Variants in ISLR2 observed in about 807,000 individuals in gnomAD.
The protein encoded by ISLR2 is immunoglobulin superfamily containing leucine rich repeat 2.
In ISLR2, 16 loss-of-function variants were observed where a neutral mutation model predicts 25.5. The observed-to-expected ratio is 0.63, with a 90% confidence interval of 0.43 to 0.95. The LOEUF (loss-of-function observed/expected upper bound fraction) is 0.95. Among genes scored for constraint, ISLR2 ranks in the 40% least tolerant of loss-of-function variants. The pLI is 0.00. For missense variants in ISLR2, 883 were observed against 1,030.7 expected (o/e 0.86, Z 1.96); for synonymous variants, 508 against 486.6 (o/e 1.04, Z -0.58).
At chr15:74,102,086 G>A (rs2072084839) in intron 1 of ISLR2, among the ~76,000 whole-genome samples, 1 of 149,530 alleles carries the variant, frequency 6.7e-6, no homozygotes, top group South Asian at 2.1e-4. Flanking sequence ...TGGGCATGGT[G>A]CTGGGTGCCT....
rs972651124 is a variant in ISLR2, at chr15:74,132,906, C to A, written c.152C>A (p.Ala51Asp). 3 of 1,614,104 alleles carry A rather than the reference C, an allele frequency of 1.9e-6. No individual in the cohort carries two copies. The highest frequency in any genetic ancestry group is 1.6e-4 in the Middle Eastern group (1 of 6,062). Residue 51 changes from alanine (A) to aspartate (D), a missense_variant, in exon 3 of 3, where the codon GCC (alanine) becomes GAC (aspartate). By Grantham distance (126) the Ala-to-Asp change is moderately radical. Coordinates refer to ENST00000453268, the MANE Select transcript of ISLR2 (RefSeq NM_020851.3). The surrounding 1 kb of genome is among the most constrained non-coding windows in gnomAD (Gnocchi z 4.3). Reference sequence around the variant, plus strand: ...CGTGAGGTGCCGGAAGGACTGCCTGCCAACGTGACGACGCTTAGTCTGTCC... The same window carrying A: ...CGTGAGGTGCCGGAAGGACTGCCTGACAACGTGACGACGCTTAGTCTGTCC... ...ELREVPEGLP[A>D]NVTTLSLSAN...
intron 2 of ISLR2, among the ~76,000 whole-genome samples, chr15:74,122,536 G>C (rs898774705): frequency 1.6e-4 from 25 of 152,204 alleles, no homozygotes; most frequent in African/African-American, 6.0e-4. Flanking sequence ...GACTGTGCCT[G>C]AAATCACACC....
In ISLR2 at chr15:74,132,046, G is replaced by A. The variant is rs1314638371; in HGVS notation, c.-8-701G>A. 1 of 152,352 alleles carries A rather than the reference G, an allele frequency of 6.6e-6. No homozygotes were observed. Among genetic ancestry groups the A allele is most frequent in the African/African-American group, 2.4e-5 (1 of 41,456 alleles). 9.4% of individuals were successfully genotyped at this position (152,352 alleles called of 1,614,324 possible). A position where few individuals can be genotyped will look rare whatever the true frequency, so the allele number is the denominator to read the frequency against. Reference sequence around the variant, plus strand: ...GGTTCGTGTGAGGACTTGTGTCCTTGTGTCTGTCAATTGTCACAATGGACA... The same window carrying A: ...GGTTCGTGTGAGGACTTGTGTCCTTATGTCTGTCAATTGTCACAATGGACA... On this transcript the variant is annotated intron_variant, in intron 2 of 2. Transcript: ENST00000453268. The surrounding 1 kb of genome is among the most constrained non-coding windows in gnomAD (Gnocchi z 4.3).
downstream of ISLR2, among the ~76,000 whole-genome samples, chr15:74,140,944 G>A (rs184663263): frequency 2.0e-5 from 3 of 152,256 alleles, no homozygotes; most frequent in East Asian, 1.9e-4. Flanking sequence ...TGCAATATTC[G>A]CATTTTGTTC....
At chr15:74,126,896 TTGTGTGTGTGTG>T (rs56301942), upstream of ISLR2, 9,076 of 122,406 alleles carry the variant, frequency 0.074, 338 homozygotes, top group African/African-American at 0.091. Flanking sequence ...GAGAGAACAT[TTGTGTGTGTGTG>T]TGTGTGTGTG....
In ISLR2 at chr15:74,135,196, C is replaced by T. The variant is rs1178251296; in HGVS notation, c.*204C>T. ...CCCTGCTACCCACGGCTGCCATTCT[C>T]CCTGCGGGCTGAATCCCCTTCCCCG... On this transcript the variant is annotated 3_prime_UTR_variant, in exon 3 of 3. Transcript: ENST00000453268. The T allele has an allele frequency of 4.7e-6, 3 of 637,794 alleles. No homozygotes were observed. The African/African-American group carries it at 5.5e-5, about 12-fold the overall frequency. The allele number at this position is 637,794 out of a possible 1,614,324, so 39.5% of individuals were successfully genotyped here.
At chr15:74,119,943 C>G (rs1308501942) in intron 2 of ISLR2, among the ~76,000 whole-genome samples, 1 of 152,192 alleles carries the variant, frequency 6.6e-6, no homozygotes, top group Non-Finnish European at 1.5e-5. Context: ...CAAGCGTTTT[C>G]TATTACCTCC....
upstream of ISLR2, chr15:74,128,635 C>G: frequency 2.2e-6 from 1 of 456,092 alleles, no homozygotes. Flanking sequence ...CTGCGGAAGG[C>G]AAAAAAGAAA....
chr15:74,118,644 C>CTATTATTATTATTATTAT (rs112112565), intron 2 of ISLR2, among the ~76,000 whole-genome samples: 11 of 145,722 alleles, frequency 7.5e-5, no homozygotes, highest in African/African-American at 2.8e-4. Flanking sequence ...AAATCTGAAG[C>CTATTATTATTATTATTAT]TATTATTATT....
intron 2 of ISLR2, among the ~76,000 whole-genome samples, chr15:74,116,904 C>T (rs990998091): frequency 1.3e-5 from 2 of 152,186 alleles, no homozygotes; most frequent in Admixed American, 1.3e-4. Context: ...CTCATACCCA[C>T]AGGTCAGGGA....
At chr15:74,131,532 T>G (rs1008935546) in intron 2 of ISLR2, among the ~76,000 whole-genome samples, 1 of 151,998 alleles carries the variant, frequency 6.6e-6, no homozygotes, top group Admixed American at 6.6e-5. Context: ...GCGCTCCAAA[T>G]GGGGGCAGGG....
chr15:74,107,812 AG>A (rs938150514), intron 2 of ISLR2, among the ~76,000 whole-genome samples: 1 of 152,118 alleles, frequency 6.6e-6, no homozygotes, highest in African/African-American at 2.4e-5. Flanking sequence ...GCTGCTCTGG[AG>A]GCAGGGAGGT....
upstream of ISLR2, among the ~76,000 whole-genome samples, chr15:74,124,772 A>T (rs2072279421): frequency 6.6e-6 from 1 of 152,198 alleles, no homozygotes; most frequent in Admixed American, 6.5e-5. Context: ...AAGAAAAAAA[A>T]ACAAAAAACA....
At chr15:74,110,758 A>C (rs2072159060) in intron 2 of ISLR2, among the ~76,000 whole-genome samples, 2 of 152,130 alleles carry the variant, frequency 1.3e-5, no homozygotes, top group African/African-American at 4.8e-5. Flanking sequence ...GGAGTTCGAG[A>C]CCAGCCTGGC....
intron 2 of ISLR2, among the ~76,000 whole-genome samples, chr15:74,116,580 A>G (rs2072213165): frequency 6.6e-6 from 1 of 152,226 alleles, no homozygotes; most frequent in Non-Finnish European, 1.5e-5. Context: ...TACACAAAGG[A>G]ATGAAGACCA....
At chr15:74,112,845 T>TTGG (rs2072180222) in intron 2 of ISLR2, among the ~76,000 whole-genome samples, 1 of 149,808 alleles carries the variant, frequency 6.7e-6, no homozygotes, top group Non-Finnish European at 1.5e-5. Context: ...TTTTTTTTTT[T>TTGG]GAGACAAGAT....
In ISLR2 at chr15:74,134,117, G is replaced by A. The variant is rs2072502176; in HGVS notation, c.1363G>A (p.Glu455Lys). ...AEDQILADPA[E>K]EQRCGNGDPS... Reference sequence around the variant, plus strand: ...AGACCAGATCCTCGCGGACCCGGCGGAGGAGCAGCGCTGTGGCAACGGGGA... The same window carrying A: ...AGACCAGATCCTCGCGGACCCGGCGAAGGAGCAGCGCTGTGGCAACGGGGA... Residue 455 changes from glutamate to lysine, a missense_variant, in exon 3 of 3, where the codon GAG becomes AAG. Around this residue, in one of 2 missense-constraint regions of ISLR2, gnomAD observed 612 missense variants for 642.8 expected, o/e 0.95. Coordinates refer to ENST00000453268, the MANE Select transcript of ISLR2 (RefSeq NM_020851.3). 1.2e-6 allele frequency: 2 copies of A among 1,613,616 alleles called. No individual in the cohort carries two copies. The highest frequency in any genetic ancestry group is 1.7e-6 in the Non-Finnish European group (2 of 1,179,916).
rs762380217 is a variant in ISLR2, at chr15:74,132,790, G to A, written c.36G>A (p.Ala12=). ...FPLRALWLVW[A]LLGVAGSCPE... The stretch of plus-strand genomic sequence containing the variant: ...TTCGGGCCCTGTGGTTGGTCTGGGC[G>A]CTTCTAGGAGTGGCCGGATCATGCC... The change falls in exon 3 of 3, where the codon GCG becomes GCA. Residue 12 remains alanine (A), a synonymous_variant. Transcript: ENST00000453268. This position sits in a 1 kb window ranked among gnomAD's most constrained non-coding sequence, Gnocchi z 4.3. The A allele has an allele frequency of 3.7e-6, 6 of 1,613,490 alleles. No individual in the cohort carries two copies. The highest frequency in any genetic ancestry group is 4.2e-6 in the Non-Finnish European group (5 of 1,179,482).
Position 74,133,188 on chromosome 15 carries a change from C to T in ISLR2, c.434C>T (p.Ala145Val). The change falls in exon 3 of 3, where the codon GCG becomes GTG. Residue 145 changes from alanine (A) to valine (V), a missense_variant. By Grantham distance (64) the Ala-to-Val change is moderately conservative. Transcript: ENST00000453268. ...LGSLPRDALG[A>V]LPDLRSLRIN... is the part of the protein sequence containing the mutation. ...TCTCTGCCCCGGGACGCACTCGGTGCGCTACCCGACCTGCGTTCCCTGCGC... is the reference window on the plus strand; with the variant it reads ...TCTCTGCCCCGGGACGCACTCGGTGTGCTACCCGACCTGCGTTCCCTGCGC... 1 of 1,613,112 alleles carries T rather than the reference C, an allele frequency of 6.2e-7. No homozygotes were observed.
Sources: allele counts gnomAD v4.1 joint callset (sites outside exome capture counted in the v4.1 genomes callset), GRCh38; gene constraint gnomAD v4.1.1; regional missense constraint gnomAD v4.1.1; non-coding constraint Gnocchi (gnomAD v3.1); transcripts MANE v1.5; gene names NCBI Gene and HGNC (gene_info 2026-07-23, HGNC 2026-07-21).